Variants in GNL3L observed in about 807,000 individuals in gnomAD.
GNL3L encodes G protein nucleolar 3 like.
GNL3L carries 4 observed loss-of-function variants against 42.9 expected under a neutral mutation model. The observed-to-expected ratio is 0.09, with a 90% confidence interval of 0.05 to 0.21. The LOEUF is 0.21. Among genes scored for constraint, GNL3L ranks in the 10% least tolerant of loss-of-function variants. GNL3L has a pLI of 1.00. For synonymous variants in GNL3L, 159 were observed against 176.3 expected (o/e 0.90, Z 0.78); for missense variants, 412 against 481.7 (o/e 0.86, Z 1.36).
At chrX:54,532,311 C>A (rs1372319909) in intron 1 of GNL3L, among the ~76,000 whole-genome samples, 5 of 110,353 alleles carry the variant, frequency 4.5e-5, no homozygotes, top group Non-Finnish European at 9.5e-5. Flanking sequence ...GAGGTTGAGA[C>A]CTATTCCTCC....
chrX:54,633,567 G>A, the GNL3L span, among the ~76,000 whole-genome samples: 1 of 110,999 alleles, frequency 9.0e-6, no homozygotes, highest in African/African-American at 3.3e-5. Flanking sequence ...GTCTTTCAGG[G>A]GGACTTGCTG....
At chrX:54,548,428 C>G in intron 9 of GNL3L, 55 bp downstream of exon 9, 2 of 989,950 alleles carry the variant, frequency 2.0e-6, no homozygotes, top group Non-Finnish European at 2.8e-6. Flanking sequence ...GCGGACACTT[C>G]GCTGGGGGAA....
At chrX:54,641,774 G>T in the GNL3L span, among the ~76,000 whole-genome samples, 1 of 111,933 alleles carries the variant, frequency 8.9e-6, no homozygotes, top group African/African-American at 3.3e-5. Flanking sequence ...AGAGTTGCCA[G>T]TTAGTTGTGG....
chrX:54,594,355 G>A (rs1925906355), intron 16 of GNL3L, among the ~76,000 whole-genome samples: 1 of 110,947 alleles, frequency 9.0e-6, no homozygotes, highest in Non-Finnish European at 1.9e-5. Context: ...TCATTACATA[G>A]TGACCTTCTT....
At chrX:54,588,782 G>A (rs1040320431) in intron 16 of GNL3L, among the ~76,000 whole-genome samples, 1 of 111,179 alleles carries the variant, frequency 9.0e-6, no homozygotes, top group Non-Finnish European at 1.9e-5. Context: ...CCAAGATCGC[G>A]CTACGGCTCA....
intron 1 of GNL3L, among the ~76,000 whole-genome samples, chrX:54,531,783 A>C (rs1280465638): frequency 1.8e-5 from 2 of 111,307 alleles, no homozygotes; most frequent in Non-Finnish European, 3.8e-5. Flanking sequence ...CAGATCTGTG[A>C]TTCTTTCCCC....
downstream of GNL3L, among the ~76,000 whole-genome samples, chrX:54,570,404 C>T (rs1925527447): frequency 1.8e-5 from 2 of 111,653 alleles, no homozygotes; most frequent in African/African-American, 6.5e-5. Flanking sequence ...ATATCTTTTT[C>T]ATCCTTTTAC....
chrX:54,581,549 A>G (rs1029005596), intron 16 of GNL3L, among the ~76,000 whole-genome samples: 4 of 112,434 alleles, frequency 3.6e-5, no homozygotes, highest in Non-Finnish European at 5.6e-5. Context: ...TTGCCCTTTT[A>G]TAGCCACCCA....
At chrX:54,639,489 T>G in the GNL3L span, among the ~76,000 whole-genome samples, 1 of 111,924 alleles carries the variant, frequency 8.9e-6, no homozygotes, top group Non-Finnish European at 1.9e-5. Context: ...GGGGCTTCGA[T>G]TCTCACTCTT....
chrX:54,634,875 T>G, the GNL3L span, among the ~76,000 whole-genome samples: 16 of 99,390 alleles, frequency 1.6e-4, no homozygotes, highest in African/African-American at 5.6e-4. Context: ...CTACAACCTC[T>G]GCCTCCTGGG....
chrX:54,560,396 G>A (rs1027839750), intron 15 of GNL3L, 124 bp from the exon 16 acceptor site: 21 of 489,053 alleles, frequency 4.3e-5, no homozygotes, highest in Non-Finnish European at 5.7e-5. Flanking sequence ...TTGTGGTAGC[G>A]TTTGGGGGTA....
the GNL3L span, among the ~76,000 whole-genome samples, chrX:54,637,587 A>C: frequency 4.5e-5 from 5 of 112,354 alleles, no homozygotes; most frequent in African/African-American, 1.6e-4. Context: ...AGTTTTTGCC[A>C]ATCTGCAGTA....
downstream of GNL3L, among the ~76,000 whole-genome samples, chrX:54,623,542 C>T (rs894185365): frequency 2.3e-4 from 26 of 112,039 alleles, no homozygotes; most frequent in Non-Finnish European, 4.1e-4. Context: ...GGACTACAGG[C>T]GCGCGCCACT....
At chrX:54,602,286 A>T (rs1926013148) in intron 16 of GNL3L, among the ~76,000 whole-genome samples, 1 of 111,898 alleles carries the variant, frequency 8.9e-6, no homozygotes. Context: ...GTCATAGTAT[A>T]TGTCAGTAGT....
chrX:54,551,878 T>G lies in GNL3L; in HGVS notation c.1085T>G (p.Phe362Cys). The stretch of plus-strand genomic sequence containing the variant: ...TCTGGGTTCCAGACCACTGAGCACT[T>G]TCTGACGGCAGTGGCCCACCGTTTG... Reference protein sequence around the residue: ...GVSGFQTTEHFLTAVAHRLGK... With the variant: ...GVSGFQTTEHCLTAVAHRLGK... Residue 362 changes from phenylalanine (F) to cysteine (C), a missense_variant, in exon 12 of 16, where the codon TTT becomes TGT. Coordinates refer to ENST00000360845, the MANE Select transcript of GNL3L (RefSeq NM_001184819.2). The G allele has an allele frequency of 8.3e-7, 1 of 1,210,950 alleles. No individual in the cohort carries two copies. The highest frequency in any genetic ancestry group is 1.1e-6 in the Non-Finnish European group (1 of 894,441).
intron 16 of GNL3L, among the ~76,000 whole-genome samples, chrX:54,584,855 G>A (rs1351811684): frequency 8.9e-6 from 1 of 112,479 alleles, no homozygotes; most frequent in East Asian, 2.8e-4. Context: ...GGGAGATCTT[G>A]GCTCACTGCA....
chrX:54,600,648 C>G lies in GNL3L; in HGVS notation c.*46-20197C>G, dbSNP rs1264771430. ...TTCTCCACTTGGCCTTCGTTGACAC[C>G]CAAGGGTAGGCTCTTTATTATTGCT... On this transcript the variant is annotated intron_variant, in intron 16 of 16. Coordinates refer to the GNL3L transcript ENST00000674498. Among the ~76,000 whole-genome samples, 33 of 110,484 alleles carry G rather than the reference C, an allele frequency of 3.0e-4. 1 individual carries two copies. The highest frequency in any genetic ancestry group is 2.9e-3 in the Admixed American group (30 of 10,333).
intron 10 of GNL3L, 108 bp from the exon 11 acceptor site, chrX:54,551,460 A>T: frequency 1.6e-6 from 1 of 621,489 alleles, no homozygotes; most frequent in African/African-American, 2.2e-5. Flanking sequence ...CTTCGTCTCT[A>T]ATGCACCCTC....
the GNL3L span, among the ~76,000 whole-genome samples, chrX:54,629,426 A>G: frequency 1.9e-3 from 213 of 111,545 alleles, 2 homozygotes; most frequent in Non-Finnish European, 1.7e-3. Flanking sequence ...TTATTACACT[A>G]AGGTATGTCC....
Sources: allele counts gnomAD v4.1 joint callset (sites outside exome capture counted in the v4.1 genomes callset), GRCh38; gene constraint gnomAD v4.1.1; transcripts MANE v1.5; gene names NCBI Gene and HGNC (gene_info 2026-07-23, HGNC 2026-07-21).